Variants in CCDC7 observed in about 807,000 individuals in gnomAD.
CCDC7 encodes the protein coiled-coil domain containing 7, also known as coiled-coil domain-containing protein 7.
CCDC7 carries 183 observed loss-of-function variants against 196.9 expected under a neutral mutation model. That is an observed-to-expected ratio of 0.93 (90% CI 0.82 to 1.05). The LOEUF (loss-of-function observed/expected upper bound fraction) is 1.05. Among genes scored for constraint, CCDC7 ranks in the 50% least tolerant of loss-of-function variants. The probability of loss-of-function intolerance (pLI) is 0.00; values close to 1 mark genes in which losing one functional copy is unlikely to be tolerated. For synonymous variants in CCDC7, 525 were observed against 484.6 expected, an observed-to-expected ratio of 1.08 and a Z score of -1.10; for missense variants, 1,540 against 1,482.2, an observed-to-expected ratio of 1.04 and a Z score of -0.64.
At chr10:32,616,930 C>G (rs929699919) in intron 18 of CCDC7, among the ~76,000 whole-genome samples, 2 of 151,298 alleles carry the variant, frequency 1.3e-5, no homozygotes, top group Non-Finnish European at 3.0e-5. Flanking sequence ...GGTTTTTGTC[C>G]TTAATGTTTA....
chr10:32,563,421 A>C (rs879460216), intron 13 of CCDC7, among the ~76,000 whole-genome samples: 3 of 152,226 alleles, frequency 2.0e-5, no homozygotes, highest in Non-Finnish European at 4.4e-5. Context: ...TACAGTAACC[A>C]AAACAGCATG....
intron 21 of CCDC7, among the ~76,000 whole-genome samples, chr10:32,680,021 T>G (rs1242595166): frequency 6.6e-6 from 1 of 152,212 alleles, no homozygotes; most frequent in Non-Finnish European, 1.5e-5. Flanking sequence ...AGAGCTGTTG[T>G]TTGGATTGAA....
chr10:32,540,685 T>G (rs2051261966), intron 11 of CCDC7, among the ~76,000 whole-genome samples: 1 of 152,222 alleles, frequency 6.6e-6, no homozygotes, highest in African/African-American at 2.4e-5. Context: ...GAATATAGGC[T>G]ACCCCCAACC....
intron 20 of CCDC7, among the ~76,000 whole-genome samples, chr10:32,642,202 C>G (rs1165027466): frequency 6.6e-6 from 1 of 152,214 alleles, no homozygotes; most frequent in Non-Finnish European, 1.5e-5. Context: ...TTTAAGTCTG[C>G]AGAGGTTTCT....
intron 21 of CCDC7, among the ~76,000 whole-genome samples, chr10:32,685,504 AG>A (rs2141129546): frequency 6.6e-6 from 1 of 152,320 alleles, no homozygotes; most frequent in Non-Finnish European, 1.5e-5. Context: ...CTCAACCAGA[AG>A]CAGAAACTAA....
chr10:32,731,770 AG>A (rs1188947739), intron 28 of CCDC7, among the ~76,000 whole-genome samples: 6 of 152,160 alleles, frequency 3.9e-5, no homozygotes, highest in Non-Finnish European at 8.8e-5. Context: ...TAAAACTGAT[AG>A]GGCTGGGCAC....
intron 21 of CCDC7, among the ~76,000 whole-genome samples, chr10:32,666,076 T>C (rs1199142119): frequency 6.6e-6 from 1 of 151,710 alleles, no homozygotes; most frequent in Non-Finnish European, 1.5e-5. Context: ...ATTTAATCAT[T>C]TGGTCTAATA....
chr10:32,740,941 A>T (rs1005942274), intron 28 of CCDC7, among the ~76,000 whole-genome samples: 1 of 151,922 alleles, frequency 6.6e-6, no homozygotes, highest in Non-Finnish European at 1.5e-5. Flanking sequence ...ACTGAAGATA[A>T]TATTAAATGT....
chr10:32,845,433 C>A, intron 34 of CCDC7, 107 bp downstream of exon 35: 1 of 1,217,948 alleles, frequency 8.2e-7, no homozygotes, highest in Non-Finnish European at 1.2e-6. Context: ...TATAGTGTTA[C>A]ATAAGTAAAA....
At chr10:32,855,339 C>T (rs1270661348) in intron 41 of CCDC7, among the ~76,000 whole-genome samples, 3 of 151,956 alleles carry the variant, frequency 2.0e-5, no homozygotes, top group Non-Finnish European at 4.4e-5. Flanking sequence ...GATTCAGGCG[C>T]ATTACATTTA....
intron 29 of CCDC7, among the ~76,000 whole-genome samples, chr10:32,797,244 CGTATATATATGT>C (rs2083772010): frequency 6.8e-6 from 1 of 147,996 alleles, no homozygotes; most frequent in Non-Finnish European, 1.5e-5. Flanking sequence ...TATATATATG[CGTATATATATGT>C]GTGTATATAT....
chr10:32,745,764 G>C (rs2074612207), intron 28 of CCDC7, among the ~76,000 whole-genome samples: 1 of 152,130 alleles, frequency 6.6e-6, no homozygotes, highest in Non-Finnish European at 1.5e-5. Flanking sequence ...AAAATAACTT[G>C]CTGGGGTTTT....
intron 20 of CCDC7, among the ~76,000 whole-genome samples, chr10:32,662,656 C>T (rs1407266026): frequency 6.6e-6 from 1 of 152,076 alleles, no homozygotes; most frequent in Non-Finnish European, 1.5e-5. Context: ...GGAGTGAGTG[C>T]CCAGTTACAT....
At chr10:32,864,746 T>C (rs1264750654) in intron 41 of CCDC7, among the ~76,000 whole-genome samples, 1 of 151,752 alleles carries the variant, frequency 6.6e-6, no homozygotes, top group Admixed American at 6.6e-5. Flanking sequence ...GAAAGAAACA[T>C]AGGAAATCCT....
chr10:32,571,998 T>G, intron 16 of CCDC7, 105 bp downstream of exon 17: 1 of 1,058,074 alleles, frequency 9.5e-7, no homozygotes, highest in Non-Finnish European at 1.3e-6. Flanking sequence ...ACAAAACTCT[T>G]TGAAACTAAT....
chr10:32,843,760 A>T (rs931991184), intron 33 of CCDC7, among the ~76,000 whole-genome samples: 6 of 151,966 alleles, frequency 3.9e-5, no homozygotes, highest in Non-Finnish European at 8.8e-5. Flanking sequence ...TATGTGTGCT[A>T]GTTGGAGTAA....
intron 28 of CCDC7, among the ~76,000 whole-genome samples, chr10:32,764,511 A>G (rs1007372339): frequency 2.0e-5 from 3 of 151,950 alleles, no homozygotes; most frequent in Non-Finnish European, 2.9e-5. Context: ...AAGGACTGTA[A>G]CGGTCAGTTT....
At chr10:32,588,627 A>ATAC (rs1388101653) in intron 18 of CCDC7, among the ~76,000 whole-genome samples, 1 of 152,056 alleles carries the variant, frequency 6.6e-6, no homozygotes, top group Admixed American at 6.6e-5. Context: ...TTTAAAAATA[A>ATAC]TGTCTTTTTC....
chr10:32,521,182 G>T (rs1160874267), intron 11 of CCDC7, among the ~76,000 whole-genome samples: 3 of 151,984 alleles, frequency 2.0e-5, no homozygotes, highest in African/African-American at 7.2e-5. Flanking sequence ...TTTTGCTCAG[G>T]ATAGCTTTGG....
Sources: gnomAD v4.1 joint callset for allele counts (sites outside exome capture counted in the v4.1 genomes callset) on GRCh38, gnomAD v4.1.1 for gene constraint, MANE v1.5 for transcripts, NCBI Gene and HGNC (gene_info 2026-07-23, HGNC 2026-07-21) for gene names.